The following ZEB2 variants were observed in gnomAD, a reference collection of about 807,000 sequenced individuals.
ZEB2 encodes the protein zinc finger E-box-binding homeobox 2.
Under a neutral mutation model 99.9 loss-of-function variants are expected in ZEB2, and 6 were observed. The ratio of observed to expected loss-of-function variants is 0.06; its 90% confidence interval spans 0.03 to 0.12. The LOEUF (loss-of-function observed/expected upper bound fraction) is 0.12, where lower values mean the gene tolerates loss of function less well. Ranked by LOEUF, ZEB2 falls within the 10% of genes least tolerant of loss-of-function variation. The pLI is 1.00. For missense variants in ZEB2, 969 were observed against 1,502.8 expected (o/e 0.64, Z 5.87); for synonymous variants, 517 against 542.5 (o/e 0.95, Z 0.65).
rs1183639838 is a variant in ZEB2 at position 144,520,009 on chromosome 2, G to C, written c.-140C>G. On this transcript the variant is annotated 5_prime_UTR_variant, in exon 1 of 10. Coordinates refer to ENST00000627532, the MANE Select transcript of ZEB2 (RefSeq NM_014795.4). ...AAAGCATGAAGAAGCCGCGAAGTGTGGGGGAGAAAAAGGTGGAAGCGAAGA... is the reference window on the plus strand; with the variant it reads ...AAAGCATGAAGAAGCCGCGAAGTGTCGGGGAGAAAAAGGTGGAAGCGAAGA... The C allele has an allele frequency of 2.2e-6, 1 of 454,376 alleles. No homozygotes were observed. Among genetic ancestry groups the C allele is most frequent in the African/African-American group, 2.0e-5 (1 of 49,984 alleles). The allele number at this position is 454,376 out of a possible 1,614,324, so 28.1% of individuals were successfully genotyped here.
intron 3 of ZEB2, 68 bp downstream of exon 3, chr2:144,429,701 A>G: frequency 3.1e-6 from 5 of 1,609,110 alleles, no homozygotes; most frequent in Non-Finnish European, 4.3e-6. Flanking sequence ...GCGATCTGCT[A>G]GGTGGAACAG....
At chr2:144,430,227 A>T (rs1703752230) in intron 2 of ZEB2, among the ~76,000 whole-genome samples, 1 of 152,192 alleles carries the variant, frequency 6.6e-6, no homozygotes, top group African/African-American at 2.4e-5. Flanking sequence ...TTCTGATTTT[A>T]AACAATTTTT....
chr2:144,517,654 A>G (rs1705182751), intron 1 of ZEB2: 1 of 697,638 alleles, frequency 1.4e-6, no homozygotes, highest in Non-Finnish European at 2.6e-6. Flanking sequence ...AGAGACAAGA[A>G]TTACATCTTC....
intron 2 of ZEB2, among the ~76,000 whole-genome samples, chr2:144,430,274 AACATAGAC>A (rs1367949602): frequency 6.6e-6 from 1 of 152,204 alleles, no homozygotes; most frequent in African/African-American, 2.4e-5. Flanking sequence ...AAGCAACAGA[AACATAGAC>A]ACACAAACTA....
At position 144,389,825 on chromosome 2, in the gene ZEB2, C is replaced by A; in HGVS notation, c.3271G>T (p.Ala1091Ser). The A allele has an allele frequency of 6.2e-7, 1 of 1,613,278 alleles. No homozygotes were observed. Among genetic ancestry groups the A allele is most frequent in the Non-Finnish European group, 8.5e-7 (1 of 1,179,414 alleles). ...CKREAEEREA[A>S]EREAREKGHL... ...CCTTTCTCGCGCGCCTCGCGCTCCG[C>A]CGCTTCCCGCTCCTCCGCCTCCCGC... Residue 1091 changes from alanine (A) to serine (S), a missense_variant, in exon 10 of 10, where the codon GCG becomes TCG. Transcript: ENST00000627532. This position sits in a 1 kb window ranked among gnomAD's most constrained non-coding sequence, Gnocchi z 6.8.
intron 9 of ZEB2, among the ~76,000 whole-genome samples, chr2:144,392,505 G>A (rs571783061): frequency 3.3e-5 from 5 of 152,224 alleles, no homozygotes; most frequent in Non-Finnish European, 7.4e-5. Flanking sequence ...CTTATAATAC[G>A]CATATATTAA....
intron 9 of ZEB2, among the ~76,000 whole-genome samples, chr2:144,392,279 A>G (rs1441074791): frequency 6.6e-6 from 1 of 152,214 alleles, no homozygotes; most frequent in Non-Finnish European, 1.5e-5. Flanking sequence ...AAGAGACTGT[A>G]TGAATAATTT....
intron 2 of ZEB2, among the ~76,000 whole-genome samples, chr2:144,509,842 G>C: frequency 6.6e-6 from 1 of 152,146 alleles, no homozygotes; most frequent in Middle Eastern, 3.2e-3. Context: ...TGTTGAAAAT[G>C]GTGGCAAATA....
chr2:144,507,052 T>C (rs1000047948), intron 2 of ZEB2, among the ~76,000 whole-genome samples: 1 of 152,226 alleles, frequency 6.6e-6, no homozygotes, highest in Non-Finnish European at 1.5e-5. Flanking sequence ...GATTTAAAAG[T>C]ATACCTTCAT....
chr2:144,407,539 A>G (rs55755433), intron 4 of ZEB2, among the ~76,000 whole-genome samples: 27,712 of 152,236 alleles, frequency 0.18, 2,760 homozygotes, highest in South Asian at 0.29. Context: ...GTTTTGGATC[A>G]TCAAAATAAC....
At chr2:144,440,962 CCTTT>C (rs1414190643) in intron 2 of ZEB2, among the ~76,000 whole-genome samples, 5 of 150,298 alleles carry the variant, frequency 3.3e-5, no homozygotes, top group Non-Finnish European at 7.4e-5. Context: ...CAGACTTTCC[CCTTT>C]TTTTGCCACC....
At chr2:144,495,706 C>T (rs1193974229) in intron 2 of ZEB2, 1 of 152,270 alleles carries the variant, frequency 6.6e-6, no homozygotes, top group Non-Finnish European at 1.5e-5. Flanking sequence ...ATTCTTTCAG[C>T]CTGTGCTGTA....
intron 2 of ZEB2, among the ~76,000 whole-genome samples, chr2:144,479,684 G>T (rs55890808): frequency 0.32 from 19,596 of 61,350 alleles, 3,631 homozygotes; most frequent in South Asian, 0.51. Flanking sequence ...ACTTTTTTTT[G>T]GGGGGGGGGG....
intron 2 of ZEB2, among the ~76,000 whole-genome samples, chr2:144,508,293 C>G (rs1014496522): frequency 6.6e-6 from 1 of 151,984 alleles, no homozygotes; most frequent in Admixed American, 6.6e-5. Flanking sequence ...GGGTGCAACT[C>G]GAAGGGTGTA....
intron 2 of ZEB2, among the ~76,000 whole-genome samples, chr2:144,506,458 T>C (rs1286796313): frequency 1.3e-5 from 2 of 152,190 alleles, no homozygotes; most frequent in Non-Finnish European, 2.9e-5. Flanking sequence ...GAGTTCCTTA[T>C]ATATAAACCT....
chr2:144,399,387 T>C lies in ZEB2; in HGVS notation c.1800A>G (p.Glu600=). The change falls in exon 8 of 10, where the codon GAA becomes GAG. Residue 600 remains glutamate (E), a synonymous_variant. Transcript: ENST00000627532. This position sits in a 1 kb window ranked among gnomAD's most constrained non-coding sequence, Gnocchi z 5.6. ...CTTCATTCATCTTACAAAGGTAACGTTCATGCTGATGCAAAGGGATGGGGC... is the reference window on the plus strand; with the variant it reads ...CTTCATTCATCTTACAAAGGTAACGCTCATGCTGATGCAAAGGGATGGGGC... ...FPGPIPLHQH[E]RYLCKMNEEI... 1 of 1,614,210 alleles carries C rather than the reference T, an allele frequency of 6.2e-7. No homozygotes were observed. The highest frequency in any genetic ancestry group is 8.5e-7 in the Non-Finnish European group (1 of 1,180,018).
intron 2 of ZEB2, among the ~76,000 whole-genome samples, chr2:144,493,954 C>T (rs1481499953): frequency 1.3e-5 from 2 of 151,862 alleles, no homozygotes; most frequent in South Asian, 2.1e-4. Flanking sequence ...AGATCGAGAC[C>T]GTCCTGGCTA....
intron 2 of ZEB2, among the ~76,000 whole-genome samples, chr2:144,485,539 G>A (rs571919787): frequency 6.6e-6 from 1 of 152,280 alleles, no homozygotes; most frequent in African/African-American, 2.4e-5. Flanking sequence ...GAGTTGGGGA[G>A]TTATTTCTTT....
At chr2:144,484,862 T>A (rs1431621396) in intron 2 of ZEB2, among the ~76,000 whole-genome samples, 1 of 151,052 alleles carries the variant, frequency 6.6e-6, no homozygotes, top group African/African-American at 2.4e-5. Context: ...AAAAAGCAAC[T>A]GTCAAAAAAC....
Sources: gnomAD v4.1 joint callset for allele counts (sites outside exome capture counted in the v4.1 genomes callset) on GRCh38, gnomAD v4.1.1 for gene constraint, Gnocchi (gnomAD v3.1) non-coding constraint, MANE v1.5 for transcripts, NCBI Gene and HGNC (gene_info 2026-07-23, HGNC 2026-07-21) for gene names.